ADGRL4: variants seen among roughly 807,000 people sequenced by gnomAD.
ADGRL4 encodes adhesion G protein-coupled receptor L4, also known as EGF, latrophilin and seven transmembrane domain containing 1.
Under a neutral mutation model 74.8 loss-of-function variants are expected in ADGRL4, and 90 were observed. The ratio of observed to expected loss-of-function variants is 1.20; its 90% CI spans 1.02 to 1.43. The LOEUF (loss-of-function observed/expected upper bound fraction) is 1.43, where lower values mean the gene tolerates loss of function less well. ADGRL4 is among the 40% of genes most tolerant of loss of function. The pLI is 0.00. For missense variants in ADGRL4, 881 were observed against 814.3 expected (o/e 1.08, Z -1.00); for synonymous variants, 311 against 279.2 (o/e 1.11, Z -1.14).
At chr1:78,980,569 T>G (rs1650378156) in intron 2 of ADGRL4, among the ~76,000 whole-genome samples, 1 of 151,972 alleles carries the variant, frequency 6.6e-6, no homozygotes, top group Non-Finnish European at 1.5e-5. Context: ...GAGTTAAAGC[T>G]TTATTTATAT....
intron 2 of ADGRL4, among the ~76,000 whole-genome samples, chr1:79,001,945 A>T (rs1281115748): frequency 2.0e-5 from 3 of 151,910 alleles, no homozygotes; most frequent in Non-Finnish European, 2.9e-5. Context: ...ATGGTTATTT[A>T]AAAAAATGTT....
chr1:78,919,973 T>G (rs1050017351), intron 10 of ADGRL4, among the ~76,000 whole-genome samples: 1 of 151,988 alleles, frequency 6.6e-6, no homozygotes, highest in African/African-American at 2.4e-5. Context: ...TAATTCATCA[T>G]AATGAGGGCC....
chr1:78,914,274 T>C (rs1648823249), intron 12 of ADGRL4, among the ~76,000 whole-genome samples: 1 of 151,966 alleles, frequency 6.6e-6, no homozygotes, highest in South Asian at 2.1e-4. Flanking sequence ...CTTACCAGTA[T>C]GACTTATATT....
chr1:78,890,948 A>C lies in ADGRL4; in HGVS notation c.*206T>G, dbSNP rs1364814585. On this transcript the variant is annotated 3_prime_UTR_variant, in exon 15 of 15. Coordinates refer to ENST00000370742, the MANE Select transcript of ADGRL4 (RefSeq NM_022159.4). ...ACTATTTTTGACAGAACTATTTCAC[A>C]TAGAAAAACATAGTATATCTATATG... 1.8e-6 allele frequency: 1 copy of C among 565,572 alleles called. No homozygotes were observed. The highest frequency in any genetic ancestry group is 3.2e-6 in the Non-Finnish European group (1 of 314,144). 35.0% of individuals were successfully genotyped at this position (565,572 alleles called of 1,614,324 possible).
intron 3 of ADGRL4, among the ~76,000 whole-genome samples, chr1:78,944,226 G>A (rs916255491): frequency 1.3e-5 from 2 of 152,162 alleles, no homozygotes; most frequent in African/African-American, 4.8e-5. Flanking sequence ...CTACAGACAA[G>A]AGACATTAGG....
intron 2 of ADGRL4, among the ~76,000 whole-genome samples, chr1:78,972,314 G>T (rs1373833945): frequency 6.6e-6 from 1 of 152,024 alleles, no homozygotes; most frequent in African/African-American, 2.4e-5. Flanking sequence ...TATTTATGGA[G>T]GAATCTCCAG....
chr1:78,911,332 T>A (rs1328276403), intron 12 of ADGRL4, among the ~76,000 whole-genome samples: 2 of 151,702 alleles, frequency 1.3e-5, no homozygotes, highest in African/African-American at 4.8e-5. Flanking sequence ...AACCTTCATA[T>A]AAGGCCATAA....
At chr1:78,967,583 C>T (rs999321445) in intron 2 of ADGRL4, among the ~76,000 whole-genome samples, 2 of 152,032 alleles carry the variant, frequency 1.3e-5, no homozygotes, top group African/African-American at 4.8e-5. Flanking sequence ...TGTATTCAGT[C>T]ACATAAGATA....
intron 2 of ADGRL4, among the ~76,000 whole-genome samples, chr1:78,948,914 C>T (rs971682278): frequency 6.6e-6 from 1 of 151,980 alleles, no homozygotes; most frequent in Non-Finnish European, 1.5e-5. Flanking sequence ...GGATCTGTGC[C>T]CTGCTGTCAG....
chr1:78,940,493 T>C (rs1338909818), intron 3 of ADGRL4, among the ~76,000 whole-genome samples: 2 of 152,134 alleles, frequency 1.3e-5, no homozygotes, highest in African/African-American at 2.4e-5. Flanking sequence ...TTTAAAACTT[T>C]ACTTACTACA....
At chr1:78,975,959 A>G (rs1650268971) in intron 2 of ADGRL4, among the ~76,000 whole-genome samples, 1 of 151,990 alleles carries the variant, frequency 6.6e-6, no homozygotes, top group Admixed American at 6.6e-5. Context: ...ATACTGGACA[A>G]CAGTCATCAA....
At chr1:78,894,375 T>C (rs1242633277) in intron 12 of ADGRL4, among the ~76,000 whole-genome samples, 1 of 151,864 alleles carries the variant, frequency 6.6e-6, no homozygotes, top group East Asian at 1.9e-4. Flanking sequence ...TTTCCAAATG[T>C]CCATTACTTC....
chr1:78,905,525 G>T (rs77046430), intron 12 of ADGRL4, among the ~76,000 whole-genome samples: 5,920 of 152,026 alleles, frequency 0.039, 153 homozygotes, highest in Middle Eastern at 0.058. Flanking sequence ...CTGTGGCCTT[G>T]ATCACAACTA....
At chr1:78,991,102 T>C (rs1380604796) in intron 2 of ADGRL4, among the ~76,000 whole-genome samples, 2 of 152,034 alleles carry the variant, frequency 1.3e-5, no homozygotes, top group Non-Finnish European at 2.9e-5. Context: ...CCCATGCTAG[T>C]TGTAAATGTT....
chr1:78,939,463 C>T (rs1649429689), intron 3 of ADGRL4, among the ~76,000 whole-genome samples: 1 of 151,826 alleles, frequency 6.6e-6, no homozygotes, highest in Non-Finnish European at 1.5e-5. Flanking sequence ...AATGTTAGTT[C>T]CATAAAATAT....
intron 10 of ADGRL4, among the ~76,000 whole-genome samples, chr1:78,919,395 T>C (rs905262294): frequency 6.6e-6 from 1 of 151,944 alleles, no homozygotes; most frequent in Admixed American, 6.6e-5. Context: ...AGAAAAAGGA[T>C]TCCTCTTACA....
chr1:78,897,345 TG>T lies in ADGRL4; in HGVS notation c.1750-4157del, dbSNP rs1391159271. Among the ~76,000 whole-genome samples the T allele has an allele frequency of 4.6e-5, 7 of 152,280 alleles. No homozygotes were observed. In the East Asian group the frequency reaches 9.6e-4, roughly 21 times the overall value. On this transcript the variant is annotated intron_variant, in intron 12 of 14. Transcript: ENST00000370742. ...AGAGAATCTCCTCACTTCTGATACC[TG>T]ATTGTTCTTAATACCTAATCAAATT...
intron 2 of ADGRL4, among the ~76,000 whole-genome samples, chr1:78,991,000 C>G (rs1441792189): frequency 1.3e-5 from 2 of 152,014 alleles, no homozygotes; most frequent in East Asian, 3.8e-4. Flanking sequence ...AACACCTCAG[C>G]TTCTGTTCAA....
chr1:78,903,332 A>G (rs909194745), intron 12 of ADGRL4, among the ~76,000 whole-genome samples: 8 of 152,196 alleles, frequency 5.3e-5, no homozygotes, highest in South Asian at 4.1e-4. Flanking sequence ...GTTAAAATTC[A>G]TACTACTAAG....
Sources: gnomAD v4.1 joint callset for allele counts (sites outside exome capture counted in the v4.1 genomes callset) on GRCh38, gnomAD v4.1.1 for gene constraint, MANE v1.5 for transcripts, NCBI Gene and HGNC (gene_info 2026-07-23, HGNC 2026-07-21) for gene names.